Variants in EIF2AK4 observed in about 807,000 individuals in gnomAD.
EIF2AK4 encodes the protein eIF-2-alpha kinase GCN2.
Under a neutral mutation model 211.1 loss-of-function variants are expected in EIF2AK4, and 139 were observed. The observed-to-expected ratio is 0.66, with a 90% CI of 0.57 to 0.76. EIF2AK4 has a LOEUF of 0.76. Among genes scored for constraint, EIF2AK4 ranks in the 30% least tolerant of loss-of-function variants. The probability of loss-of-function intolerance (pLI) is 0.00; values close to 1 mark genes in which losing one functional copy is unlikely to be tolerated. For missense variants in EIF2AK4, 1,664 were observed against 2,043.8 expected (o/e 0.81, Z 3.58); for synonymous variants, 710 against 751.3 (o/e 0.94, Z 0.90).
At chr15:39,957,498 A>G (rs1452551826) in intron 6 of EIF2AK4, among the ~76,000 whole-genome samples, 1 of 152,066 alleles carries the variant, frequency 6.6e-6, no homozygotes, top group African/African-American at 2.4e-5. Flanking sequence ...CTCAAATGCA[A>G]CCTTCTCAGG....
intron 32 of EIF2AK4, among the ~76,000 whole-genome samples, chr15:40,025,694 G>T (rs893176915): frequency 2.0e-5 from 3 of 152,176 alleles, no homozygotes; most frequent in Non-Finnish European, 2.9e-5. Flanking sequence ...CCAGACCAGG[G>T]TTTCTCAACA....
chr15:40,023,730 A>G (rs1204602257), intron 32 of EIF2AK4, among the ~76,000 whole-genome samples: 1 of 152,130 alleles, frequency 6.6e-6, no homozygotes, highest in African/African-American at 2.4e-5. Flanking sequence ...TTTTGGTGTC[A>G]TTGATTTTTC....
chr15:40,022,683 G>A (rs17848523), intron 32 of EIF2AK4, 78 bp downstream of exon 32: 1 of 1,290,584 alleles, frequency 7.7e-7, no homozygotes, highest in Middle Eastern at 1.8e-4. Flanking sequence ...CTGAGGCCCG[G>A]GCCGTGTAGG....
At chr15:40,029,318 G>T in intron 33 of EIF2AK4, 88 bp from the exon 34 acceptor site, 1 of 1,439,728 alleles carries the variant, frequency 6.9e-7, no homozygotes, top group Non-Finnish European at 9.1e-7. Flanking sequence ...TGGAAAAGTG[G>T]CTCACTATAC....
chr15:39,983,009 T>C (rs1416973031), intron 13 of EIF2AK4, among the ~76,000 whole-genome samples: 2 of 152,232 alleles, frequency 1.3e-5, no homozygotes, highest in Non-Finnish European at 2.9e-5. Flanking sequence ...TAAACATACG[T>C]GTGCATGTGT....
chr15:40,020,997 C>G lies in EIF2AK4; in HGVS notation c.4272C>G (p.Ile1424Met), dbSNP rs916708288. The G allele has an allele frequency of 1.2e-6, 2 of 1,613,696 alleles. No homozygotes were observed. The highest frequency in any genetic ancestry group is 1.7e-5 in the Admixed American group (1 of 59,964). ...CCCAGAAACTCTGGACAGCAGGCAT[C>G]ACAGCAGAAATCATGTACGACTGGT... Reference protein sequence around the residue: ...NLTQKLWTAGITAEIMYDWSQ... With the variant: ...NLTQKLWTAGMTAEIMYDWSQ... Residue 1424 changes from isoleucine (I) to methionine (M), a missense_variant, in exon 31 of 39, where the codon ATC becomes ATG. Physicochemically the swap from Ile to Met is conservative, Grantham distance 10. Coordinates refer to ENST00000263791, the MANE Select transcript of EIF2AK4 (RefSeq NM_001013703.4).
intron 9 of EIF2AK4, among the ~76,000 whole-genome samples, chr15:39,968,240 A>T (rs1443002220): frequency 6.6e-6 from 1 of 152,206 alleles, no homozygotes; most frequent in Non-Finnish European, 1.5e-5. Flanking sequence ...GAGGCTCCTT[A>T]TTCAAAAACA....
Position 39,997,056 on chromosome 15 carries a change from A to G in EIF2AK4, c.2859A>G (p.Gln953=), listed in dbSNP as rs771755030. Residue 953 remains glutamine (Q), a synonymous_variant, in exon 19 of 39, where the codon CAA becomes CAG. Transcript: ENST00000263791. ...CAGAAAGGATCTTTGTTCTCAACCA[A>G]CTCAGAGATGTATGTATCAGGTGTT... ...TASERIFVLN[Q]LRDPTSPKFP... 1 of 1,611,114 alleles carries G rather than the reference A, an allele frequency of 6.2e-7. No individual in the cohort carries two copies. Among genetic ancestry groups the G allele is most frequent in the Non-Finnish European group, 8.5e-7 (1 of 1,177,328 alleles).
At chr15:39,984,444 G>A (rs1230012093) in intron 13 of EIF2AK4, among the ~76,000 whole-genome samples, 1 of 152,198 alleles carries the variant, frequency 6.6e-6, no homozygotes, top group Non-Finnish European at 1.5e-5. Flanking sequence ...ACTTTGGGCA[G>A]TGTGGCCATT....
chr15:40,001,231 T>C lies in EIF2AK4; in HGVS notation c.3159+7T>C. 3.1e-6 allele frequency: 5 copies of C among 1,612,308 alleles called. No homozygotes were observed. Among genetic ancestry groups the C allele is most frequent in the Non-Finnish European group, 4.2e-6 (5 of 1,179,710 alleles). On this transcript the variant is annotated splice_region_variant and intron_variant, in intron 21 of 38. Coordinates refer to ENST00000263791, the MANE Select transcript of EIF2AK4 (RefSeq NM_001013703.4). ...TGACAGCGACATACTGAAGGTGGGC[T>C]TAAGCCACGCTGCACAAAGGGAGCT... is the stretch of plus-strand genomic sequence containing the variant.
chr15:39,990,512 G>A (rs2034929081), intron 16 of EIF2AK4, 135 bp downstream of exon 16: 2 of 733,136 alleles, frequency 2.7e-6, no homozygotes, highest in Non-Finnish European at 4.6e-6. Context: ...CAAACCTGAA[G>A]GGGTATGCTG....
At chr15:39,979,191 G>A (rs969559297) in intron 13 of EIF2AK4, among the ~76,000 whole-genome samples, 2 of 152,138 alleles carry the variant, frequency 1.3e-5, no homozygotes, top group Non-Finnish European at 2.9e-5. Flanking sequence ...CAAAGATGTG[G>A]GAAGTAGAAA....
intron 35 of EIF2AK4, among the ~76,000 whole-genome samples, chr15:40,031,829 G>A (rs1303402764): frequency 1.3e-5 from 2 of 151,908 alleles, no homozygotes; most frequent in South Asian, 2.1e-4. Flanking sequence ...ATGTTCAAGC[G>A]ATTCTCCTGC....
At chr15:39,989,980 T>C (rs1383912610) in intron 15 of EIF2AK4, among the ~76,000 whole-genome samples, 1 of 152,204 alleles carries the variant, frequency 6.6e-6, no homozygotes, top group African/African-American at 2.4e-5. Context: ...AGAGGTTTTG[T>C]AATGCAGCAG....
intron 18 of EIF2AK4, among the ~76,000 whole-genome samples, chr15:39,994,253 G>A (rs968957913): frequency 1.3e-5 from 2 of 152,204 alleles, no homozygotes; most frequent in African/African-American, 2.4e-5. Context: ...ACACAGATAG[G>A]ATTTAAAGCT....
At chr15:40,030,517 A>T in intron 35 of EIF2AK4, 61 bp downstream of exon 35, 1 of 1,439,744 alleles carries the variant, frequency 6.9e-7, no homozygotes. Context: ...AAAAACAACA[A>T]CAGGAAAGGA....
intron 9 of EIF2AK4, among the ~76,000 whole-genome samples, chr15:39,971,122 T>C (rs561216052): frequency 1.3e-5 from 2 of 152,354 alleles, no homozygotes; most frequent in South Asian, 4.1e-4. Context: ...TGGTGGTTCA[T>C]GCCTGTAATC....
chr15:40,005,088 A>AT (rs1250076313), intron 23 of EIF2AK4, among the ~76,000 whole-genome samples: 1 of 152,218 alleles, frequency 6.6e-6, no homozygotes, highest in African/African-American at 2.4e-5. Flanking sequence ...AGTAGATATT[A>AT]TAAGTAATCT....
intron 6 of EIF2AK4, among the ~76,000 whole-genome samples, chr15:39,958,874 A>C (rs937287910): frequency 2.8e-4 from 42 of 152,140 alleles, no homozygotes; most frequent in Non-Finnish European, 4.1e-4. Context: ...CACTTGAAAA[A>C]TTGTCATCTC....
Sources: gnomAD v4.1 joint callset for allele counts (sites outside exome capture counted in the v4.1 genomes callset) on GRCh38, gnomAD v4.1.1 for gene constraint, MANE v1.5 for transcripts, NCBI Gene and HGNC (gene_info 2026-07-23, HGNC 2026-07-21) for gene names.